The following WDR44 variants were observed in gnomAD, a reference collection of about 807,000 sequenced individuals.
WDR44 encodes the protein WD repeat-containing protein 44.
In WDR44, 9 loss-of-function variants were observed where a neutral mutation model predicts 65.7. The ratio of observed to expected loss-of-function variants is 0.14; its 90% CI spans 0.08 to 0.24. The LOEUF is 0.24. Ranked by LOEUF, WDR44 falls within the 10% of genes least tolerant of loss-of-function variation. The pLI is 1.00. For missense variants in WDR44, 425 were observed against 670.9 expected (o/e 0.63, Z 4.05); for synonymous variants, 220 against 235.2 (o/e 0.94, Z 0.59).
chrX:118,401,343 CTT>C (rs1272939806), intron 8 of WDR44, among the ~76,000 whole-genome samples: 1 of 41,259 alleles, frequency 2.4e-5, no homozygotes. Flanking sequence ...TGTTTCCTGA[CTT>C]TTTAATGATT....
chrX:118,368,216 A>G (rs2056571123), intron 1 of WDR44, among the ~76,000 whole-genome samples: 1 of 109,527 alleles, frequency 9.1e-6, no homozygotes, highest in African/African-American at 3.4e-5. Context: ...AAAGGATTTG[A>G]CATTTTGCTT....
At chrX:118,383,668 C>T (rs1271843009) in intron 2 of WDR44, among the ~76,000 whole-genome samples, 1 of 106,398 alleles carries the variant, frequency 9.4e-6, no homozygotes, top group African/African-American at 3.4e-5. Context: ...CTGCGGACCC[C>T]GTTCTGCTGA....
At chrX:118,374,366 A>G (rs781641286) in intron 1 of WDR44, among the ~76,000 whole-genome samples, 8 of 111,647 alleles carry the variant, frequency 7.2e-5, no homozygotes, top group African/African-American at 2.0e-4. Flanking sequence ...CTAGGCATTA[A>G]TGTTCTACAA....
At chrX:118,407,478 G>A (rs2056977042) in intron 10 of WDR44, among the ~76,000 whole-genome samples, 1 of 102,460 alleles carries the variant, frequency 9.8e-6, no homozygotes, top group Admixed American at 1.1e-4. Context: ...TCCAGCCTGG[G>A]CTACAGAGTA....
chrX:118,347,664 A>C (rs761417792), intron 1 of WDR44, among the ~76,000 whole-genome samples: 19 of 112,623 alleles, frequency 1.7e-4, no homozygotes, highest in Admixed American at 1.7e-3. Context: ...GCTGTGATGC[A>C]AGTATAGTTA....
chrX:118,415,306 C>CT (rs1190622079), intron 12 of WDR44, among the ~76,000 whole-genome samples: 1 of 111,682 alleles, frequency 9.0e-6, no homozygotes, highest in Admixed American at 9.5e-5. Context: ...ATTTTAGCAT[C>CT]TATGTTCATC....
intron 13 of WDR44, among the ~76,000 whole-genome samples, chrX:118,436,180 A>G (rs1026199676): frequency 8.9e-5 from 10 of 112,216 alleles, no homozygotes; most frequent in Non-Finnish European, 1.7e-4. Flanking sequence ...GACAATTTCT[A>G]TTCTCTAATT....
chrX:118,347,493 C>T (rs949461596), intron 1 of WDR44, among the ~76,000 whole-genome samples: 1 of 112,217 alleles, frequency 8.9e-6, no homozygotes, highest in Non-Finnish European at 1.9e-5. Context: ...TTTCGCCGAA[C>T]TCCCCTACGA....
intron 7 of WDR44, among the ~76,000 whole-genome samples, chrX:118,398,099 T>G (rs2056881052): frequency 9.0e-6 from 1 of 111,033 alleles, no homozygotes; most frequent in Admixed American, 9.6e-5. Flanking sequence ...TAGCCAGACA[T>G]GGTGGTGTGC....
intron 1 of WDR44, among the ~76,000 whole-genome samples, chrX:118,374,355 A>G (rs4405084): frequency 0.26 from 29,292 of 110,613 alleles, 3,178 homozygotes; most frequent in African/African-American, 0.39. Context: ...TTCACTTTTT[A>G]CTAGGCATTA....
chrX:118,423,210 C>G (rs1386940197), intron 12 of WDR44, among the ~76,000 whole-genome samples: 1 of 110,823 alleles, frequency 9.0e-6, no homozygotes, highest in Non-Finnish European at 1.9e-5. Flanking sequence ...CTATTGTTGC[C>G]TAGGCTGGAG....
chrX:118,398,533 C>A (rs1411460703), intron 8 of WDR44, 63 bp downstream of exon 8: 6 of 938,567 alleles, frequency 6.4e-6, no homozygotes, highest in Non-Finnish European at 9.1e-6. Flanking sequence ...ATGAGAACTA[C>A]CATACTATTT....
At chrX:118,435,152 G>A (rs1775134341) in intron 13 of WDR44, among the ~76,000 whole-genome samples, 1 of 112,230 alleles carries the variant, frequency 8.9e-6, no homozygotes, top group Admixed American at 9.4e-5. Flanking sequence ...TTTGGAACAA[G>A]TCTTAACATG....
chrX:118,382,565 C>G (rs1455021229), intron 2 of WDR44, among the ~76,000 whole-genome samples: 2 of 112,219 alleles, frequency 1.8e-5, no homozygotes, highest in Non-Finnish European at 3.8e-5. Flanking sequence ...CTGAATTTTT[C>G]TATAATTAAT....
chrX:118,415,535 A>G (rs1211398556), intron 12 of WDR44, among the ~76,000 whole-genome samples: 2 of 111,223 alleles, frequency 1.8e-5, no homozygotes, highest in Admixed American at 9.6e-5. Flanking sequence ...ATGGAGTCTC[A>G]CTCTGTTGCC....
At position 118,396,964 on chromosome X, in the gene WDR44, C is replaced by T. The variant is rs772768184; in HGVS notation, c.1054-6C>T. ...TGGTGTGATTGTTTTTTTTTTTTAACCTCAGGAAATTTTAGCCAGTGTAAT... is the reference window on the plus strand; with the variant it reads ...TGGTGTGATTGTTTTTTTTTTTTAATCTCAGGAAATTTTAGCCAGTGTAAT... On this transcript the variant is annotated splice_region_variant and splice_polypyrimidine_tract_variant and intron_variant, in intron 6 of 19. Transcript: ENST00000254029. 3.9e-5 allele frequency: 45 copies of T among 1,143,862 alleles called. No homozygotes were observed. Among genetic ancestry groups the T allele is most frequent in the Non-Finnish European group, 5.1e-5 (44 of 867,833 alleles). The allele number at this position is 1,143,862 out of a possible 1,213,427, so 94.3% of individuals were successfully genotyped here. A position where few individuals can be genotyped will look rare whatever the true frequency, so the allele number is the denominator to read the frequency against.
intron 1 of WDR44, among the ~76,000 whole-genome samples, chrX:118,373,904 T>C (rs2056635180): frequency 8.9e-6 from 1 of 112,302 alleles, no homozygotes; most frequent in Non-Finnish European, 1.9e-5. Context: ...AAATGCTTAA[T>C]AAATGATGGC....
chrX:118,402,833 G>GTA (rs1351933793), intron 8 of WDR44, among the ~76,000 whole-genome samples: 1 of 112,496 alleles, frequency 8.9e-6, no homozygotes, highest in Non-Finnish European at 1.9e-5. Flanking sequence ...CATTAAACAT[G>GTA]TAATTGCACA....
chrX:118,409,683 A>G, intron 11 of WDR44, 56 bp downstream of exon 11: 3 of 1,062,198 alleles, frequency 2.8e-6, no homozygotes, highest in Non-Finnish European at 3.8e-6. Flanking sequence ...CATTTTAGGT[A>G]TACTGATGCC....
Sources: gnomAD v4.1 joint callset for allele counts (sites outside exome capture counted in the v4.1 genomes callset) on GRCh38, gnomAD v4.1.1 for gene constraint, MANE v1.5 for transcripts, NCBI Gene and HGNC (gene_info 2026-07-23, HGNC 2026-07-21) for gene names.